The following EXOC4 variants were observed in gnomAD, a reference collection of about 807,000 sequenced individuals.
EXOC4 encodes exocyst complex component 4, also known as SEC8-like 1.
In EXOC4, 71 loss-of-function variants were observed where a neutral mutation model predicts 107.2. The ratio of observed to expected loss-of-function variants is 0.66; its 90% confidence interval spans 0.55 to 0.81. EXOC4 has a LOEUF of 0.81. Ranked by LOEUF, EXOC4 falls within the 30% of genes least tolerant of loss-of-function variation. The pLI is 0.00. For missense variants in EXOC4, 1,108 were observed against 1,189.6 expected, an observed-to-expected ratio of 0.93 and a Z score of 1.01; for synonymous variants, 456 against 441.2, an observed-to-expected ratio of 1.03 and a Z score of -0.42.
At chr7:134,072,444 C>G in the EXOC4 span, among the ~76,000 whole-genome samples, 4 of 152,108 alleles carry the variant, frequency 2.6e-5, no homozygotes, top group African/African-American at 9.7e-5. Context: ...CCAGCCTGGT[C>G]TCTCACAGGA....
chr7:133,451,508 G>A (rs199738495), intron 7 of EXOC4, among the ~76,000 whole-genome samples: 1 of 4,444 alleles, frequency 2.3e-4, no homozygotes, highest in African/African-American at 2.0e-3. Context: ...TTGTTAATAT[G>A]AGAAAATTAT....
chr7:133,659,000 C>CTTTTTTTTTT lies in EXOC4; in HGVS notation c.1514+28879_1514+28888dup, dbSNP rs397890140. 1.7e-3 allele frequency among the ~76,000 whole-genome samples: 67 copies of CTTTTTTTTTT among 40,144 alleles called. 13 individuals carry two copies. Among genetic ancestry groups the CTTTTTTTTTT allele is most frequent in the African/African-American group, 6.7e-3 (66 of 9,848 alleles). The allele number at this position is 40,144 out of a possible 152,430, so 26.3% of individuals were successfully genotyped here. On this transcript the variant is annotated intron_variant, in intron 10 of 17. Coordinates refer to ENST00000253861, the MANE Select transcript of EXOC4 (RefSeq NM_021807.4). Reference sequence around the variant, plus strand: ...TGATTTGGTGAAGACTTCAGAGAAGCTTTTTTTTTTTTTTTTTTTTTTTTT... The same window carrying CTTTTTTTTTT: ...TGATTTGGTGAAGACTTCAGAGAAGCTTTTTTTTTTTTTTTTTTTTTTTTTTTTTTTTTTT...
At chr7:133,915,117 A>G (rs1315992155) in intron 12 of EXOC4, among the ~76,000 whole-genome samples, 1 of 152,208 alleles carries the variant, frequency 6.6e-6, no homozygotes, top group Non-Finnish European at 1.5e-5. Flanking sequence ...TAGACCTTGG[A>G]GAGAGATTTC....
At chr7:133,610,006 TC>T (rs1802041239) in intron 9 of EXOC4, among the ~76,000 whole-genome samples, 2 of 152,230 alleles carry the variant, frequency 1.3e-5, no homozygotes, top group Non-Finnish European at 2.9e-5. Flanking sequence ...ATCTTAGTCT[TC>T]TAAAACACTA....
At chr7:133,537,301 C>CG (rs1381597799) in intron 9 of EXOC4, among the ~76,000 whole-genome samples, 1 of 148,772 alleles carries the variant, frequency 6.7e-6, no homozygotes, top group African/African-American at 2.5e-5. Context: ...CAGGCACCCC[C>CG]CCCCCCACCA....
At chr7:133,771,447 A>T (rs1796242748) in intron 10 of EXOC4, 1 of 151,990 alleles carries the variant, frequency 6.6e-6, no homozygotes, top group East Asian at 1.9e-4. Context: ...GTAATGATTC[A>T]GTCTCTGCAA....
chr7:133,641,126 A>C (rs1347752948), intron 10 of EXOC4, among the ~76,000 whole-genome samples: 1 of 152,192 alleles, frequency 6.6e-6, no homozygotes. Flanking sequence ...CAGATGCAGA[A>C]TTATCACAGG....
rs368362259 is a variant in EXOC4 at position 133,459,002 on chromosome 7, A to G, written c.1183-16326A>G. On this transcript the variant is annotated intron_variant, in intron 7 of 17. Coordinates refer to ENST00000253861, the MANE Select transcript of EXOC4 (RefSeq NM_021807.4). ...TTTAAAGTTCATGAGCTCCTGGTAA[A>G]TGCAATTAAGACCTTTTTGGAGTTT... 8.8e-4 allele frequency among the ~76,000 whole-genome samples: 134 copies of G among 152,270 alleles called. 5 individuals carry two copies. The South Asian group carries it at 0.028, about 31-fold the overall frequency.
At chr7:133,356,285 T>G (rs746948279) in intron 5 of EXOC4, 45 bp from the exon 6 acceptor site, 1 of 1,597,160 alleles carries the variant, frequency 6.3e-7, no homozygotes. Flanking sequence ...TTTGGGGTTT[T>G]TGAGTGGAGT....
chr7:133,870,062 A>G lies in EXOC4; in HGVS notation c.1735-25537A>G, dbSNP rs373925850. Among the ~76,000 whole-genome samples the G allele has an allele frequency of 4.5e-4, 68 of 152,308 alleles. No individual in the cohort carries two copies. In the East Asian group the frequency reaches 6.4e-3, roughly 14 times the overall value. ...AATCTTTCAATTCAGCAAGTGTTTG[A>G]TAAGTACTTTATAAGTAAAATTCTA... On this transcript the variant is annotated intron_variant, in intron 11 of 17. Coordinates refer to ENST00000253861, the MANE Select transcript of EXOC4 (RefSeq NM_021807.4).
intron 9 of EXOC4, among the ~76,000 whole-genome samples, chr7:133,502,148 G>A (rs1048892117): frequency 6.6e-6 from 1 of 151,978 alleles, no homozygotes; most frequent in African/African-American, 2.4e-5. Flanking sequence ...GTGGGAGTGG[G>A]GGAGTGTGAA....
chr7:133,432,955 T>G (rs1340065761), intron 7 of EXOC4, among the ~76,000 whole-genome samples: 1 of 152,254 alleles, frequency 6.6e-6, no homozygotes, highest in East Asian at 1.9e-4. Context: ...TATTACCCTT[T>G]GTCAACAGAT....
chr7:133,437,697 A>G (rs1484371552), intron 7 of EXOC4, among the ~76,000 whole-genome samples: 1 of 152,148 alleles, frequency 6.6e-6, no homozygotes, highest in Middle Eastern at 3.2e-3. Flanking sequence ...GTGTGCATGA[A>G]TTCCCTTAAG....
intron 14 of EXOC4, among the ~76,000 whole-genome samples, chr7:133,959,551 TA>T (rs1395455560): frequency 3.3e-5 from 5 of 150,954 alleles, no homozygotes; most frequent in African/African-American, 7.3e-5. Flanking sequence ...GAGAGGGCCA[TA>T]AAAAAAATTA....
At position 133,572,139 on chromosome 7, in the gene EXOC4, A is replaced by C. The variant is rs936649702; in HGVS notation, c.1418-57906A>C. On this transcript the variant is annotated intron_variant, in intron 9 of 17. Transcript: ENST00000253861. ...AATGAAAGTGTGGTAGTGTTTGTGA[A>C]TAAAGAATTTAAGTGTCAATAGGTA... Among the ~76,000 whole-genome samples, 5 of 152,232 alleles carry C rather than the reference A, an allele frequency of 3.3e-5. No homozygotes were observed. In the East Asian group the frequency reaches 9.6e-4, roughly 29 times the overall value.
chr7:133,288,956 T>C lies in EXOC4; in HGVS notation c.311T>C (p.Leu104Pro), dbSNP rs1384567362. ...KENLLSCKMLLHCKRDELRKL... is the reference protein window; with the variant it reads ...KENLLSCKMLPHCKRDELRKL... ...AACCTGCTTTCATGCAAGATGCTGC[T>C]GCACTGCAAACGGGATGAGCTTCGG... is the stretch of plus-strand genomic sequence containing the variant. Residue 104 changes from leucine (L) to proline (P), a missense_variant, in exon 3 of 18, where the codon CTG becomes CCG. Coordinates refer to ENST00000253861, the MANE Select transcript of EXOC4 (RefSeq NM_021807.4). 6.2e-7 allele frequency: 1 copy of C among 1,614,090 alleles called. No individual in the cohort carries two copies. Among genetic ancestry groups the C allele is most frequent in the African/African-American group, 1.3e-5 (1 of 74,948 alleles).
intron 9 of EXOC4, among the ~76,000 whole-genome samples, chr7:133,532,623 G>T (rs1584981746): frequency 6.6e-6 from 1 of 152,054 alleles, no homozygotes; most frequent in East Asian, 1.9e-4. Flanking sequence ...TAGGACTTTG[G>T]TGTGGGCAGT....
chr7:134,046,897 G>T (rs1357105587), intron 17 of EXOC4, among the ~76,000 whole-genome samples: 1 of 152,146 alleles, frequency 6.6e-6, no homozygotes, highest in African/African-American at 2.4e-5. Flanking sequence ...AGGGACAACT[G>T]GGGGCAAATG....
chr7:134,018,174 A>G (rs1028174822), intron 17 of EXOC4, among the ~76,000 whole-genome samples: 1 of 152,312 alleles, frequency 6.6e-6, no homozygotes, highest in African/African-American at 2.4e-5. Context: ...AAAGATATTA[A>G]GCTTGTTCTG....
Sources: gnomAD v4.1 joint callset for allele counts (sites outside exome capture counted in the v4.1 genomes callset) on GRCh38, gnomAD v4.1.1 for gene constraint, MANE v1.5 for transcripts, NCBI Gene and HGNC (gene_info 2026-07-23, HGNC 2026-07-21) for gene names.